ARSG: variants seen among roughly 807,000 people sequenced by gnomAD.
The protein encoded by ARSG is arylsulfatase G.
Under a neutral mutation model 50.5 loss-of-function variants are expected in ARSG, and 37 were observed. The ratio of observed to expected loss-of-function variants is 0.73; its 90% confidence interval spans 0.56 to 0.96. ARSG has a LOEUF of 0.96. Among genes scored for constraint, ARSG ranks in the 50% least tolerant of loss-of-function variants. The probability of loss-of-function intolerance (pLI) is 0.00; values close to 1 mark genes in which losing one functional copy is unlikely to be tolerated. For synonymous variants in ARSG, 225 were observed against 254.6 expected (o/e 0.88, Z 1.11); for missense variants, 629 against 675.3 (o/e 0.93, Z 0.76).
chr17:68,386,892 G>GA (rs2080753320), intron 9 of ARSG, among the ~76,000 whole-genome samples: 1 of 152,104 alleles, frequency 6.6e-6, no homozygotes, highest in African/African-American at 2.4e-5. Flanking sequence ...TGACTGAGAG[G>GA]ATGGTTTGGT....
chr17:68,281,285 C>G (rs1435388812), intron 1 of ARSG, among the ~76,000 whole-genome samples: 2 of 151,618 alleles, frequency 1.3e-5, no homozygotes, highest in Non-Finnish European at 3.0e-5. Flanking sequence ...AATGGGTGAA[C>G]AGGCTGGTGG....
the ARSG span, among the ~76,000 whole-genome samples, chr17:68,444,745 A>C: frequency 6.6e-6 from 1 of 152,144 alleles, no homozygotes; most frequent in African/African-American, 2.4e-5. Flanking sequence ...ATGGATGTAC[A>C]CACATACACA....
chr17:68,335,931 C>T (rs918163180), intron 2 of ARSG, among the ~76,000 whole-genome samples: 5 of 152,214 alleles, frequency 3.3e-5, no homozygotes, highest in African/African-American at 1.2e-4. Flanking sequence ...TGGAGTCTCA[C>T]TCTGCCACCC....
chr17:68,307,817 G>A, intron 2 of ARSG, 106 bp downstream of exon 2: 1 of 652,030 alleles, frequency 1.5e-6, no homozygotes, highest in Non-Finnish European at 2.7e-6. Flanking sequence ...ATGGACCCAT[G>A]CTGATTTAGT....
At chr17:68,346,891 C>T in intron 3 of ARSG, 3 of 1,456,144 alleles carry the variant, frequency 2.1e-6, no homozygotes, top group Non-Finnish European at 2.7e-6. Flanking sequence ...GGCTGTCTTC[C>T]CCTTTCACTG....
At chr17:68,304,675 C>A (rs1333789738) in intron 1 of ARSG, among the ~76,000 whole-genome samples, 1 of 152,126 alleles carries the variant, frequency 6.6e-6, no homozygotes, top group Non-Finnish European at 1.5e-5. Context: ...TCAACTGAAG[C>A]TTTGTTGTTG....
chr17:68,273,722 AAAACCCTT>A (rs1390848896), intron 1 of ARSG, among the ~76,000 whole-genome samples: 2 of 152,206 alleles, frequency 1.3e-5, no homozygotes, highest in African/African-American at 4.8e-5. Context: ...AGATCAAACA[AAAACCCTT>A]GGGCACTTGA....
At position 68,297,777 on chromosome 17, in the gene ARSG, A is replaced by G. The variant is rs138658489; in HGVS notation, c.-552+6209A>G. 7.2e-3 allele frequency among the ~76,000 whole-genome samples: 1,096 copies of G among 152,218 alleles called. 5 individuals carry two copies. Among genetic ancestry groups the G allele is most frequent in the Middle Eastern group, 0.014 (4 of 294 alleles). On this transcript the variant is annotated intron_variant, in intron 1 of 11. Transcript: ENST00000621439. Reference sequence around the variant, plus strand: ...CCGCTGTGCCCAGCCATTATGTTTTATTTTAATGTTAGTAACGCTTTGGCT... The same window carrying G: ...CCGCTGTGCCCAGCCATTATGTTTTGTTTTAATGTTAGTAACGCTTTGGCT...
intron 11 of ARSG, among the ~76,000 whole-genome samples, chr17:68,409,382 C>T (rs1355741416): frequency 6.7e-6 from 1 of 150,014 alleles, no homozygotes; most frequent in African/African-American, 2.4e-5. Flanking sequence ...ATAGGGAATC[C>T]TTTCCCCATT....
intron 1 of ARSG, among the ~76,000 whole-genome samples, chr17:68,265,202 T>G (rs2144866401): frequency 6.7e-6 from 1 of 150,070 alleles, no homozygotes; most frequent in Middle Eastern, 3.5e-3. Context: ...AACAAATGTG[T>G]TAGCTATAAT....
intron 7 of ARSG, 81 bp from the exon 8 acceptor site, chr17:68,370,363 A>G: frequency 7.9e-7 from 1 of 1,269,828 alleles, no homozygotes; most frequent in Non-Finnish European, 1.1e-6. Context: ...GCTCTGCGCA[A>G]GGGATATAGG....
the ARSG span, chr17:68,428,931 T>C: frequency 6.2e-7 from 1 of 1,613,582 alleles, no homozygotes; most frequent in Non-Finnish European, 8.5e-7. Context: ...TGGCAACTTC[T>C]GGATCCTAAG....
chr17:68,347,012 G>A (rs879069823), intron 3 of ARSG, 113 bp from the exon 4 acceptor site: 3 of 1,555,708 alleles, frequency 1.9e-6, no homozygotes, highest in Non-Finnish European at 2.6e-6. Context: ...CTTTTGGCTT[G>A]TCCACAGTGC....
chr17:68,330,528 G>A (rs980930714), intron 2 of ARSG, among the ~76,000 whole-genome samples: 1 of 152,190 alleles, frequency 6.6e-6, no homozygotes, highest in African/African-American at 2.4e-5. Flanking sequence ...TAATTTAGCT[G>A]TGGAGAGGCA....
chr17:68,398,951 C>T lies in ARSG; in HGVS notation c.1213-2409C>T, dbSNP rs1256070596. Among the ~76,000 whole-genome samples, 3 of 152,214 alleles carry T rather than the reference C, an allele frequency of 2.0e-5. 1 individual carries two copies. In the South Asian group the frequency reaches 6.2e-4, roughly 32 times the overall value. On this transcript the variant is annotated intron_variant, in intron 10 of 11. Coordinates refer to ENST00000621439, the MANE Select transcript of ARSG (RefSeq NM_001267727.2). ...GGCTGCACAGCCTAGAACCAAAGGT[C>T]CCACTTTGTGCTTTCCTGGCTCCCA...
chr17:68,364,321 C>T (rs2079438848), intron 6 of ARSG, among the ~76,000 whole-genome samples: 1 of 152,092 alleles, frequency 6.6e-6, no homozygotes, highest in African/African-American at 2.4e-5. Flanking sequence ...AAAAAAAAAT[C>T]ACCCTGAATT....
chr17:68,352,779 G>T (rs1412999055), intron 5 of ARSG, among the ~76,000 whole-genome samples: 1 of 151,922 alleles, frequency 6.6e-6, no homozygotes, highest in African/African-American at 2.4e-5. Flanking sequence ...CAAAGTGCTG[G>T]GATTTCAGGC....
chr17:68,358,979 C>T (rs572493245), intron 6 of ARSG, among the ~76,000 whole-genome samples: 9 of 152,006 alleles, frequency 5.9e-5, no homozygotes, highest in South Asian at 2.1e-4. Flanking sequence ...CTGGCTAACA[C>T]GATGAAACCC....
the ARSG span, chr17:68,441,163 C>T: frequency 6.6e-6 from 1 of 152,228 alleles, no homozygotes; most frequent in Admixed American, 6.5e-5. Flanking sequence ...CCACCCTTGA[C>T]TGCTCAGAGC....
Sources: allele counts gnomAD v4.1 joint callset (sites outside exome capture counted in the v4.1 genomes callset), GRCh38; gene constraint gnomAD v4.1.1; transcripts MANE v1.5; gene names NCBI Gene and HGNC (gene_info 2026-07-23, HGNC 2026-07-21).